LRP1B: variants seen among roughly 807,000 people sequenced by gnomAD.
LRP1B encodes the protein LDL receptor related protein 1B, also known as low-density lipoprotein receptor-related protein 1B.
A neutral mutation model predicts 556.6 loss-of-function variants in LRP1B; 217 were observed. The observed-to-expected ratio is 0.39, with a 90% confidence interval of 0.35 to 0.44. LRP1B has a LOEUF of 0.44. LRP1B is among the 20% of genes least tolerant of loss of function. The probability of loss-of-function intolerance (pLI) is 1.00; values close to 1 mark genes in which losing one functional copy is unlikely to be tolerated. For synonymous variants in LRP1B, 2,047 were observed against 1,865.8 expected (o/e 1.10, Z -2.50); for missense variants, 5,053 against 5,620.8 (o/e 0.90, Z 3.23).
At chr2:140,887,680 T>C (rs1222448639) in intron 23 of LRP1B, among the ~76,000 whole-genome samples, 3 of 152,036 alleles carry the variant, frequency 2.0e-5, no homozygotes, top group Non-Finnish European at 2.9e-5. Flanking sequence ...AACTGATGAA[T>C]AAAAAAATGC....
At chr2:141,799,808 C>CTGTGTGTATG (rs1553466034) in intron 2 of LRP1B, among the ~76,000 whole-genome samples, 4 of 147,626 alleles carry the variant, frequency 2.7e-5, no homozygotes, top group African/African-American at 1.0e-4. Flanking sequence ...AAGAGTGTGT[C>CTGTGTGTATG]TGTGTGTGTG....
intron 7 of LRP1B, among the ~76,000 whole-genome samples, chr2:141,103,981 AT>A (rs903796721): frequency 6.6e-6 from 1 of 151,930 alleles, no homozygotes; most frequent in African/African-American, 2.4e-5. Flanking sequence ...GTTCGACATA[AT>A]TTTTATTTTT....
intron 35 of LRP1B, among the ~76,000 whole-genome samples, chr2:140,755,717 T>C (rs191798598): frequency 1.2e-3 from 185 of 152,102 alleles, no homozygotes; most frequent in African/African-American, 4.2e-3. Context: ...GCTAATATCA[T>C]ATAGTTAATG....
intron 1 of LRP1B, among the ~76,000 whole-genome samples, chr2:141,968,181 T>G (rs1574542734): frequency 6.6e-6 from 1 of 151,820 alleles, no homozygotes; most frequent in Admixed American, 6.6e-5. Flanking sequence ...ATTAACAAAA[T>G]GTACAACCGT....
At chr2:141,799,836 C>CAG (rs376730491) in intron 2 of LRP1B, among the ~76,000 whole-genome samples, 3 of 84,148 alleles carry the variant, frequency 3.6e-5, no homozygotes, top group Non-Finnish European at 7.4e-5. Context: ...GTGTGTATGA[C>CAG]AGAGAGAGAG....
intron 11 of LRP1B, among the ~76,000 whole-genome samples, chr2:141,035,754 A>C (rs977286540): frequency 2.0e-5 from 3 of 152,106 alleles, no homozygotes; most frequent in African/African-American, 7.2e-5. Context: ...TTTTGTTAAA[A>C]AAATACAAAA....
At chr2:141,040,529 T>C (rs1318687385) in intron 11 of LRP1B, among the ~76,000 whole-genome samples, 1 of 152,070 alleles carries the variant, frequency 6.6e-6, no homozygotes, top group Non-Finnish European at 1.5e-5. Flanking sequence ...CATCCTGTAA[T>C]CTGCTGTATG....
chr2:141,955,297 A>T (rs1437231982), intron 1 of LRP1B, among the ~76,000 whole-genome samples: 5 of 152,140 alleles, frequency 3.3e-5, no homozygotes, highest in African/African-American at 1.2e-4. Flanking sequence ...AAGTTCATGT[A>T]TTGTCAACTA....
intron 1 of LRP1B, among the ~76,000 whole-genome samples, chr2:142,073,189 T>C (rs1270338594): frequency 1.3e-5 from 2 of 151,970 alleles, no homozygotes; most frequent in Non-Finnish European, 2.9e-5. Context: ...ATATAAAGTA[T>C]TGAGTATTAA....
At chr2:141,991,216 A>G (rs373080094) in intron 1 of LRP1B, among the ~76,000 whole-genome samples, 23 of 152,168 alleles carry the variant, frequency 1.5e-4, no homozygotes, top group African/African-American at 5.5e-4. Flanking sequence ...TAACACAAAC[A>G]TTTGTTCTCT....
chr2:141,034,974 T>C (rs893245089), intron 11 of LRP1B, among the ~76,000 whole-genome samples: 7 of 151,896 alleles, frequency 4.6e-5, no homozygotes, highest in Non-Finnish European at 8.8e-5. Flanking sequence ...CCAACAATGA[T>C]AGACTGGATT....
At chr2:141,937,959 A>G (rs1357430283) in intron 1 of LRP1B, among the ~76,000 whole-genome samples, 1 of 151,720 alleles carries the variant, frequency 6.6e-6, no homozygotes, top group Non-Finnish European at 1.5e-5. Context: ...CTTTTTTCTC[A>G]TTGTGTATTC....
intron 2 of LRP1B, among the ~76,000 whole-genome samples, chr2:141,617,083 T>C (rs770003890): frequency 1.3e-5 from 2 of 152,216 alleles, no homozygotes; most frequent in Non-Finnish European, 2.9e-5. Flanking sequence ...TTTCATTTTA[T>C]TTTATCATCG....
chr2:141,122,548 A>C (rs1223470407), intron 7 of LRP1B, among the ~76,000 whole-genome samples: 2 of 152,148 alleles, frequency 1.3e-5, no homozygotes, highest in African/African-American at 4.8e-5. Context: ...AACCACAATG[A>C]GATACCATCT....
intron 83 of LRP1B, among the ~76,000 whole-genome samples, chr2:140,301,667 G>T (rs2105008448): frequency 6.6e-6 from 1 of 151,920 alleles, no homozygotes; most frequent in East Asian, 1.9e-4. Flanking sequence ...TGCTCAATGT[G>T]AATGTATTCC....
At chr2:140,922,154 C>T (rs1380298087) in intron 21 of LRP1B, among the ~76,000 whole-genome samples, 1 of 151,988 alleles carries the variant, frequency 6.6e-6, no homozygotes, top group Admixed American at 6.6e-5. Context: ...TTCAACACAT[C>T]ATCTGGCATA....
intron 2 of LRP1B, among the ~76,000 whole-genome samples, chr2:141,638,811 G>A (rs1390737860): frequency 9.9e-6 from 1 of 100,816 alleles, no homozygotes; most frequent in East Asian, 2.4e-4. Flanking sequence ...AAGCATCAGT[G>A]GAAGAAGGGC....
intron 3 of LRP1B, among the ~76,000 whole-genome samples, chr2:141,404,242 T>C (rs1473914647): frequency 6.6e-6 from 1 of 152,204 alleles, no homozygotes; most frequent in Non-Finnish European, 1.5e-5. Flanking sequence ...AAATATCTGG[T>C]TAGAAATTTC....
chr2:141,386,195 G>A (rs1169015273), intron 3 of LRP1B, among the ~76,000 whole-genome samples: 3 of 152,030 alleles, frequency 2.0e-5, no homozygotes, highest in Non-Finnish European at 4.4e-5. Flanking sequence ...GTTTAGACTT[G>A]GGTCCCATCT....
Sources: allele counts gnomAD v4.1 joint callset (sites outside exome capture counted in the v4.1 genomes callset), GRCh38; gene constraint gnomAD v4.1.1; transcripts MANE v1.5; gene names NCBI Gene and HGNC (gene_info 2026-07-23, HGNC 2026-07-21).